CDC5L: variants seen among roughly 807,000 people sequenced by gnomAD.
CDC5L encodes the protein cell division cycle 5 like.
A neutral mutation model predicts 104.1 loss-of-function variants in CDC5L; 18 were observed. The observed-to-expected ratio is 0.17, with a 90% CI of 0.12 to 0.26. CDC5L has a LOEUF of 0.26. Ranked by LOEUF, CDC5L falls within the 10% of genes least tolerant of loss-of-function variation. The pLI is 1.00. For synonymous variants in CDC5L, 331 were observed against 322.7 expected (o/e 1.03, Z -0.28); for missense variants, 673 against 956.9 (o/e 0.70, Z 3.91).
At chr6:44,436,450 G>A (rs1029461172) in intron 14 of CDC5L, among the ~76,000 whole-genome samples, 1 of 152,092 alleles carries the variant, frequency 6.6e-6, no homozygotes, top group Non-Finnish European at 1.5e-5. Context: ...AACATTTCAT[G>A]TATACATTTT....
At chr6:44,439,605 T>A (rs182340175) in intron 14 of CDC5L, among the ~76,000 whole-genome samples, 1 of 152,220 alleles carries the variant, frequency 6.6e-6, no homozygotes, top group Non-Finnish European at 1.5e-5. Flanking sequence ...CATAGACTTA[T>A]ATTGAAGTTG....
chr6:44,447,093 A>G lies in CDC5L; in HGVS notation c.*382A>G, dbSNP rs934623285. 1 of 156,542 alleles carries G rather than the reference A, an allele frequency of 6.4e-6. No individual in the cohort carries two copies. The highest frequency in any genetic ancestry group is 2.4e-5 in the African/African-American group (1 of 41,518). 9.7% of individuals were successfully genotyped at this position (156,542 alleles called of 1,614,324 possible). ...ATTAGATACTTAAGAGTGCCTGCAA[A>G]CCAGCAGCTATGTACTCTGTGTCAT... On this transcript the variant is annotated 3_prime_UTR_variant, in exon 16 of 16. Transcript: ENST00000371477.
chr6:44,411,283 A>T (rs1403183626), intron 8 of CDC5L, among the ~76,000 whole-genome samples: 1 of 151,942 alleles, frequency 6.6e-6, no homozygotes, highest in African/African-American at 2.4e-5. Context: ...TCTGGCTGGG[A>T]TGTTTCACTG....
chr6:44,435,079 C>T (rs1792865671), intron 14 of CDC5L, among the ~76,000 whole-genome samples: 1 of 134,192 alleles, frequency 7.5e-6, no homozygotes, highest in African/African-American at 2.7e-5. Context: ...ATATGCACCC[C>T]GCCCCCCCTG....
At chr6:44,406,216 C>A in intron 6 of CDC5L, 107 bp from the exon 7 acceptor site, 1 of 858,848 alleles carries the variant, frequency 1.2e-6, no homozygotes, top group African/African-American at 1.7e-5. Context: ...CAGTTATTTT[C>A]TTAGAAATGA....
At chr6:44,389,437 A>G (rs144170342) in intron 1 of CDC5L, among the ~76,000 whole-genome samples, 1 of 152,296 alleles carries the variant, frequency 6.6e-6, no homozygotes, top group African/African-American at 2.4e-5. Context: ...CTCAAATCCA[A>G]TGTGGGAAAA....
In CDC5L at chr6:44,424,499, A is replaced by G. The variant is rs913401273; in HGVS notation, c.1485A>G (p.Pro495=). 5 of 1,613,904 alleles carry G rather than the reference A, an allele frequency of 3.1e-6. No homozygotes were observed. The highest frequency in any genetic ancestry group is 1.3e-5 in the African/African-American group (1 of 74,932). ...AGAATGATTTTGAAATTGTTCTACC[A>G]GAAAATGCCGAGAAGGAGCTGGAAG... ...APKNDFEIVL[P]ENAEKELEER... The change falls in exon 11 of 16, where the codon CCA becomes CCG. Residue 495 remains proline, a synonymous_variant. Coordinates refer to ENST00000371477, the MANE Select transcript of CDC5L (RefSeq NM_001253.4).
chr6:44,402,884 T>C (rs11571940), intron 5 of CDC5L, among the ~76,000 whole-genome samples: 1,809 of 152,336 alleles, frequency 0.012, 18 homozygotes, highest in Middle Eastern at 0.054. Flanking sequence ...TAATATCTTA[T>C]AAATTCATTT....
intron 6 of CDC5L, among the ~76,000 whole-genome samples, 200 bp downstream of exon 6, chr6:44,404,227 C>T (rs1429725000): frequency 1.3e-5 from 2 of 152,124 alleles, no homozygotes; most frequent in African/African-American, 4.8e-5. Context: ...TTACTGAAGC[C>T]TTGACCTCCT....
At chr6:44,418,157 T>C (rs1791988539) in intron 8 of CDC5L, among the ~76,000 whole-genome samples, 1 of 147,628 alleles carries the variant, frequency 6.8e-6, no homozygotes, top group Non-Finnish European at 1.5e-5. Context: ...CCCCCCACCC[T>C]CCAACAGTCC....
At chr6:44,442,376 TGTGTGTGTG>T (rs1793239860) in intron 14 of CDC5L, among the ~76,000 whole-genome samples, 1 of 60,412 alleles carries the variant, frequency 1.7e-5, no homozygotes, top group African/African-American at 1.2e-4. Context: ...GTGTGTATGT[TGTGTGTGTG>T]TGTGTGTGTG....
chr6:44,394,876 AAAAAAAAAATG>A (rs1227836630), intron 4 of CDC5L, among the ~76,000 whole-genome samples: 16 of 78,762 alleles, frequency 2.0e-4, no homozygotes, highest in African/African-American at 8.0e-4. Context: ...AAAAAAAAAA[AAAAAAAAAATG>A]GTATACACAC....
intron 9 of CDC5L, among the ~76,000 whole-genome samples, chr6:44,420,492 G>A (rs1223014206): frequency 6.6e-6 from 1 of 151,970 alleles, no homozygotes; most frequent in Non-Finnish European, 1.5e-5. Flanking sequence ...CCGAGTAGCT[G>A]GGATTACAGG....
chr6:44,399,679 G>A (rs1791029813), intron 5 of CDC5L, among the ~76,000 whole-genome samples: 1 of 152,092 alleles, frequency 6.6e-6, no homozygotes, highest in South Asian at 2.1e-4. Flanking sequence ...TTTTGAGACG[G>A]GGTCTTGCTC....
chr6:44,399,075 CCT>C (rs1791000577), intron 5 of CDC5L, among the ~76,000 whole-genome samples: 1 of 152,232 alleles, frequency 6.6e-6, no homozygotes, highest in Admixed American at 6.5e-5. Flanking sequence ...GCCTTAGCCC[CCT>C]GAGTAGCTGG....
In CDC5L at chr6:44,446,659, A is replaced by G; in HGVS notation, c.2357A>G (p.His786Arg). Reference protein sequence around the residue: ...RQQEREKELQHRYADLLLEKE... With the variant: ...RQQEREKELQRRYADLLLEKE... ...CAAGAAAGAGAAAAGGAACTTCAAC[A>G]TAGATATGCTGATTTGCTGCTGGAG... The change falls in exon 16 of 16, where the codon CAT becomes CGT. Residue 786 changes from histidine to arginine, a missense_variant. Coordinates refer to ENST00000371477, the MANE Select transcript of CDC5L (RefSeq NM_001253.4). The G allele has an allele frequency of 6.3e-7, 1 of 1,598,144 alleles. No homozygotes were observed.
At chr6:44,395,228 C>T (rs964476472) in intron 4 of CDC5L, among the ~76,000 whole-genome samples, 3 of 152,128 alleles carry the variant, frequency 2.0e-5, no homozygotes, top group African/African-American at 7.2e-5. Context: ...TAGTTAGCAA[C>T]AGTGTATTAC....
At chr6:44,435,397 T>C (rs1792887074) in intron 14 of CDC5L, among the ~76,000 whole-genome samples, 1 of 151,960 alleles carries the variant, frequency 6.6e-6, no homozygotes, top group Non-Finnish European at 1.5e-5. Flanking sequence ...AGTGGGTACA[T>C]GTAGGTGAGA....
chr6:44,419,847 C>T (rs886290435), intron 9 of CDC5L, among the ~76,000 whole-genome samples: 37 of 151,890 alleles, frequency 2.4e-4, no homozygotes, highest in Admixed American at 1.2e-3. Context: ...TCTCAGCTTA[C>T]GGAACCCCTC....
Sources: allele counts gnomAD v4.1 joint callset (sites outside exome capture counted in the v4.1 genomes callset), GRCh38; gene constraint gnomAD v4.1.1; transcripts MANE v1.5; gene names NCBI Gene and HGNC (gene_info 2026-07-23, HGNC 2026-07-21).